The following SRP54 variants were observed in gnomAD, a reference collection of about 807,000 sequenced individuals.
The protein encoded by SRP54 is signal recognition particle subunit SRP54.
In SRP54, 10 loss-of-function variants were observed where a neutral mutation model predicts 64.8. That is an observed-to-expected ratio of 0.15 (90% CI 0.10 to 0.26). SRP54 has a LOEUF of 0.26. Ranked by LOEUF, SRP54 falls within the 10% of genes least tolerant of loss-of-function variation. The pLI, the probability that SRP54 is intolerant of heterozygous loss-of-function variation, is 1.00. For synonymous variants in SRP54, 193 were observed against 185.6 expected (o/e 1.04, Z -0.32); for missense variants, 325 against 613.7 (o/e 0.53, Z 4.97).
chr14:34,991,109 C>CTTTTTTTTTTTTTT (rs71435838), intron 1 of SRP54, among the ~76,000 whole-genome samples: 5 of 111,082 alleles, frequency 4.5e-5, no homozygotes, highest in African/African-American at 6.6e-5. Context: ...AATTTCTTTT[C>CTTTTTTTTTTTTTT]TTTTTTTTTT....
chr14:35,009,143 C>G (rs1299457438), intron 7 of SRP54, among the ~76,000 whole-genome samples: 1 of 152,024 alleles, frequency 6.6e-6, no homozygotes, highest in Non-Finnish European at 1.5e-5. Context: ...CTGCCTCAGC[C>G]TCCCAAAGTG....
chr14:35,017,411 G>A (rs2044461497), intron 11 of SRP54, among the ~76,000 whole-genome samples: 1 of 152,102 alleles, frequency 6.6e-6, no homozygotes. Flanking sequence ...CAGACTCTAA[G>A]TTCTATGTCT....
At chr14:34,996,891 C>CT (rs2044081014) in intron 2 of SRP54, 104 bp downstream of exon 2, 2 of 823,936 alleles carry the variant, frequency 2.4e-6, no homozygotes, top group Admixed American at 2.0e-5. Flanking sequence ...TTGATGTAGA[C>CT]TTAATACTTG....
intron 1 of SRP54, among the ~76,000 whole-genome samples, chr14:34,985,585 G>GT (rs2043882531): frequency 6.6e-6 from 1 of 152,136 alleles, no homozygotes; most frequent in Non-Finnish European, 1.5e-5. Flanking sequence ...TGGCTCTTCA[G>GT]TTTTTTCCCT....
Position 35,013,808 on chromosome 14 carries a change from T to A in SRP54, c.792T>A (p.Ala264=). The change falls in exon 10 of 16, where the codon GCT becomes GCA. Residue 264 remains alanine (A), a synonymous_variant. Coordinates refer to ENST00000216774, the MANE Select transcript of SRP54 (RefSeq NM_003136.4). ...AKGGGALSAV[A]ATKSPIIFIG... The stretch of plus-strand genomic sequence containing the variant: ...ATTTTCTTTTTTTTTCCAGAGTCGC[T>A]GCCACAAAAAGTCCGATTATTTTCA... The A allele has an allele frequency of 6.2e-7, 1 of 1,607,726 alleles. No individual in the cohort carries two copies. The highest frequency in any genetic ancestry group is 1.3e-5 in the African/African-American group (1 of 74,736).
In SRP54 at chr14:35,018,763, T is replaced by G; in HGVS notation, c.1045T>G (p.Leu349Val). 1 of 1,612,594 alleles carries G rather than the reference T, an allele frequency of 6.2e-7. No individual in the cohort carries two copies. The highest frequency in any genetic ancestry group is 8.5e-7 in the Non-Finnish European group (1 of 1,179,392). The change falls in exon 12 of 16, where the codon TTG (leucine) becomes GTG (valine). Residue 349 changes from leucine (L) to valine (V), a missense_variant and splice_region_variant. By Grantham distance (32) the Leu-to-Val change is conservative (BLOSUM62 1). Coordinates refer to ENST00000216774, the MANE Select transcript of SRP54 (RefSeq NM_003136.4). ...GAAAATGGGCCCCTTCAGTCAGATCTTGGTTAGTTATCCTTAAAACTTTAT... is the reference window on the plus strand; with the variant it reads ...GAAAATGGGCCCCTTCAGTCAGATCGTGGTTAGTTATCCTTAAAACTTTAT... ...IMKMGPFSQI[L>V]GMIPGFGTDF... is the part of the protein sequence containing the mutation.
At chr14:34,987,691 T>C (rs1223262628) in intron 1 of SRP54, among the ~76,000 whole-genome samples, 1 of 152,152 alleles carries the variant, frequency 6.6e-6, no homozygotes, top group East Asian at 1.9e-4. Context: ...TTGAAGGATA[T>C]TTGGGTTGTT....
At chr14:35,022,489 TG>T (rs1211330617) in intron 13 of SRP54, among the ~76,000 whole-genome samples, 19 of 152,236 alleles carry the variant, frequency 1.2e-4, no homozygotes. Flanking sequence ...CCCGAGTAGC[TG>T]GGACTACAGG....
Position 35,007,400 on chromosome 14 carries a change from T to G in SRP54, c.360+13T>G. On this transcript the variant is annotated intron_variant, in intron 5 of 15. Transcript: ENST00000216774. ...AACATGTTCAAAGGTAAATTGAACT[T>G]AATTTAAAAAGAAGTCATATGGAAG... The G allele has an allele frequency of 6.5e-7, 1 of 1,529,796 alleles. No homozygotes were observed. 94.8% of individuals were successfully genotyped at this position (1,529,796 alleles called of 1,614,324 possible). A position where few individuals can be genotyped will look rare whatever the true frequency, so the allele number is the denominator to read the frequency against.
chr14:35,023,787 A>ACACAC (rs2044574319), intron 14 of SRP54, among the ~76,000 whole-genome samples: 2 of 140,268 alleles, frequency 1.4e-5, no homozygotes. Context: ...CCGGTCCCCA[A>ACACAC]ACACACACAC....
At chr14:35,018,936 C>T (rs369449632) in intron 12 of SRP54, 30 bp from the exon 13 acceptor site, 2 of 1,582,336 alleles carry the variant, frequency 1.3e-6, no homozygotes, top group African/African-American at 1.3e-5. Context: ...TCTTAAGCTA[C>T]TATTGACTTT....
chr14:35,006,107 G>A (rs1412785538), intron 4 of SRP54, among the ~76,000 whole-genome samples: 2 of 151,900 alleles, frequency 1.3e-5, no homozygotes, highest in Non-Finnish European at 2.9e-5. Flanking sequence ...CCAAAGTGCT[G>A]GGATTACAGG....
chr14:34,998,991 G>T lies in SRP54; in HGVS notation c.79-567G>T, dbSNP rs1466492638. On this transcript the variant is annotated intron_variant, in intron 2 of 15. Coordinates refer to ENST00000216774, the MANE Select transcript of SRP54 (RefSeq NM_003136.4). The stretch of plus-strand genomic sequence containing the variant: ...TGTGTGTATGTGTGTGTGTGTGTGT[G>T]TGTGTGTGTGTGTGTGTGTGTGGTT... Among the ~76,000 whole-genome samples, 762 of 94,986 alleles carry T rather than the reference G, an allele frequency of 8.0e-3. 14 individuals are homozygous for T. The highest frequency in any genetic ancestry group is 0.024 in the African/African-American group (723 of 30,096). The allele number at this position is 94,986 out of a possible 152,430, so 62.3% of individuals were successfully genotyped here.
At chr14:35,011,011 C>G (rs1362440398) in intron 7 of SRP54, among the ~76,000 whole-genome samples, 2 of 152,034 alleles carry the variant, frequency 1.3e-5, no homozygotes, top group Admixed American at 6.6e-5. Flanking sequence ...ACTGCAGTGT[C>G]GAACTCATGG....
intron 7 of SRP54, 75 bp from the exon 8 acceptor site, chr14:35,011,434 G>C (rs2044356315): frequency 8.3e-7 from 1 of 1,211,550 alleles, no homozygotes; most frequent in South Asian, 2.7e-5. Flanking sequence ...ATAGATTATA[G>C]GTAAATTAAC....
At chr14:35,021,947 A>C (rs1277949728) in intron 13 of SRP54, among the ~76,000 whole-genome samples, 2 of 152,204 alleles carry the variant, frequency 1.3e-5, no homozygotes, top group Non-Finnish European at 1.5e-5. Flanking sequence ...GAAGAAATGC[A>C]CCTGATATTC....
intron 4 of SRP54, among the ~76,000 whole-genome samples, chr14:35,002,088 C>T (rs2044182573): frequency 6.6e-6 from 1 of 151,844 alleles, no homozygotes; most frequent in African/African-American, 2.4e-5. Context: ...GGTGCAGTGG[C>T]TCACATCTGT....
chr14:34,997,633 T>A (rs192358078), intron 2 of SRP54, among the ~76,000 whole-genome samples: 1 of 152,186 alleles, frequency 6.6e-6, no homozygotes, highest in Non-Finnish European at 1.5e-5. Flanking sequence ...TACGTAGAAT[T>A]CTTACATGGA....
At position 34,996,707 on chromosome 14, in the gene SRP54, A is replaced by G; in HGVS notation, c.-3A>G. Reference sequence around the variant, plus strand: ...TTCGTAAGTACATCTTAAAGCTGTCAAGATGGTTCTAGCAGACCTTGGAAG... The same window carrying G: ...TTCGTAAGTACATCTTAAAGCTGTCGAGATGGTTCTAGCAGACCTTGGAAG... On this transcript the variant is annotated 5_prime_UTR_variant, in exon 2 of 16. Coordinates refer to ENST00000216774, the MANE Select transcript of SRP54 (RefSeq NM_003136.4). The G allele has an allele frequency of 6.2e-7, 1 of 1,611,558 alleles. No individual in the cohort carries two copies.
Sources: gnomAD v4.1 joint callset for allele counts (sites outside exome capture counted in the v4.1 genomes callset) on GRCh38, gnomAD v4.1.1 for gene constraint, MANE v1.5 for transcripts, NCBI Gene and HGNC (gene_info 2026-07-23, HGNC 2026-07-21) for gene names.